The following TMEM9 variants were observed in gnomAD, a reference collection of about 807,000 sequenced individuals.
TMEM9 encodes the protein proton-transporting V-type ATPase complex assembly regulator TMEM9.
Under a neutral mutation model 22.8 loss-of-function variants are expected in TMEM9, and 13 were observed. That is an observed-to-expected ratio of 0.57 (90% CI 0.37 to 0.91). TMEM9 has a LOEUF of 0.91. TMEM9 is among the 40% of genes least tolerant of loss of function. The pLI, the probability that TMEM9 is intolerant of heterozygous loss-of-function variation, is 0.01. For synonymous variants in TMEM9, 88 were observed against 93.0 expected (o/e 0.95, Z 0.31); for missense variants, 182 against 238.1 (o/e 0.76, Z 1.55).
At chr1:201,141,141 C>T (rs923265018) in intron 4 of TMEM9, among the ~76,000 whole-genome samples, 2 of 152,170 alleles carry the variant, frequency 1.3e-5, no homozygotes, top group South Asian at 2.1e-4. Flanking sequence ...GGTAACTTTC[C>T]GACCCCTTGT....
At chr1:201,146,514 C>G (rs1054774251) in intron 3 of TMEM9, 1 of 636,598 alleles carries the variant, frequency 1.6e-6, no homozygotes, top group African/African-American at 1.8e-5. Flanking sequence ...CCAGGGCTCT[C>G]CCCTCTCACT....
intron 1 of TMEM9, among the ~76,000 whole-genome samples, chr1:201,161,251 T>G (rs1045454025): frequency 6.6e-6 from 1 of 152,178 alleles, no homozygotes; most frequent in South Asian, 2.1e-4. Flanking sequence ...CATCTAACCT[T>G]CCGAAAACCC....
At chr1:201,157,409 A>T (rs1665829190), upstream of TMEM9, among the ~76,000 whole-genome samples, 1 of 152,196 alleles carries the variant, frequency 6.6e-6, no homozygotes, top group Non-Finnish European at 1.5e-5. Context: ...CTATGAGTGC[A>T]GCTGCCAGCA....
chr1:201,136,854 G>A (rs1187693284), intron 4 of TMEM9, among the ~76,000 whole-genome samples: 2 of 151,994 alleles, frequency 1.3e-5, no homozygotes, highest in Admixed American at 1.3e-4. Flanking sequence ...ACTTCTCTAA[G>A]CCCAGAGCCG....
intron 2 of TMEM9, 25 bp from the exon 3 acceptor site, chr1:201,146,873 T>A: frequency 6.2e-7 from 1 of 1,609,918 alleles, no homozygotes; most frequent in Non-Finnish European, 8.5e-7. Context: ...GACAGGGCTG[T>A]CGAGGCAGGG....
Position 201,143,503 on chromosome 1 carries a change from CG to C in TMEM9, c.399+316del, listed in dbSNP as rs369702504. ...AGCTTGTCACCAATGTCTGAGCACA[CG>C]GGGGATATCATGTGTATCTATGTGT... On this transcript the variant is annotated intron_variant, in intron 4 of 4. Transcript: ENST00000367330. Among the ~76,000 whole-genome samples, 1,371 of 152,310 alleles carry C rather than the reference CG, an allele frequency of 9.0e-3. 21 individuals carry two copies. Among genetic ancestry groups the C allele is most frequent in the African/African-American group, 0.031 (1,298 of 41,564 alleles).
chr1:201,158,026 A>C (rs1232358804), upstream of TMEM9, among the ~76,000 whole-genome samples: 2 of 152,208 alleles, frequency 1.3e-5, no homozygotes, highest in African/African-American at 4.8e-5. Context: ...ATCTAATTAG[A>C]TGGCTCCTTA....
At chr1:201,160,229 G>T (rs1665906868) in intron 1 of TMEM9, among the ~76,000 whole-genome samples, 1 of 152,218 alleles carries the variant, frequency 6.6e-6, no homozygotes, top group Non-Finnish European at 1.5e-5. Context: ...GTTTCCCCCT[G>T]AAAAGATTTG....
rs573041649 is a variant in TMEM9 at position 201,142,659 on chromosome 1, G to A, written c.399+1161C>T. On this transcript the variant is annotated intron_variant, in intron 4 of 4. Coordinates refer to ENST00000367330, the MANE Select transcript of TMEM9 (RefSeq NM_001288565.2). ...CTAGATATTCCTTATGCATACGCAT[G>A]AGTTCACTCAGGGCATCCCTCCATC... Among the ~76,000 whole-genome samples, 4 of 152,378 alleles carry A rather than the reference G, an allele frequency of 2.6e-5. No homozygotes were observed. The East Asian group carries it at 7.7e-4, about 29-fold the overall frequency.
chr1:201,147,819 G>C (rs887351591), intron 2 of TMEM9, among the ~76,000 whole-genome samples: 21 of 152,094 alleles, frequency 1.4e-4, no homozygotes, highest in African/African-American at 4.8e-4. Flanking sequence ...CCAGCCACAC[G>C]GATCTGCCAG....
At chr1:201,139,334 A>T (rs1225226425) in intron 4 of TMEM9, among the ~76,000 whole-genome samples, 3 of 152,220 alleles carry the variant, frequency 2.0e-5, no homozygotes, top group Non-Finnish European at 4.4e-5. Context: ...CTTCAGCAAG[A>T]GGACTATACA....
intron 1 of TMEM9, 130 bp downstream of exon 1, chr1:201,153,728 A>C: frequency 1.9e-6 from 3 of 1,553,304 alleles, no homozygotes; most frequent in Admixed American, 2.0e-5. Flanking sequence ...AAGACCACTA[A>C]AAGAAGTATG....
Position 201,153,799 on chromosome 1 carries a change from T to G in TMEM9, c.66+59A>C, listed in dbSNP as rs767465114. The G allele has an allele frequency of 1.9e-6, 3 of 1,608,864 alleles. No individual in the cohort carries two copies. The African/African-American group carries it at 4.0e-5, about 22-fold the overall frequency. On this transcript the variant is annotated intron_variant, in intron 1 of 4. Transcript: ENST00000367330. ...GCTGGCTACCTCTGAGTCAGCCCTG[T>G]AGACAGGGTGGCCGTGCACTGTGGT... is the stretch of plus-strand genomic sequence containing the variant.
At chr1:201,147,521 T>C (rs1324775564) in intron 2 of TMEM9, among the ~76,000 whole-genome samples, 6 of 152,246 alleles carry the variant, frequency 3.9e-5, no homozygotes. Context: ...CTCCCACTGC[T>C]GTGTCTTAGC....
intron 4 of TMEM9, among the ~76,000 whole-genome samples, chr1:201,138,263 T>C (rs949118326): frequency 6.6e-6 from 1 of 152,220 alleles, no homozygotes; most frequent in Non-Finnish European, 1.5e-5. Context: ...GGGAACATGC[T>C]GAAATTCACC....
Position 201,153,205 on chromosome 1 carries a change from A to AT in TMEM9, c.66+652dup, listed in dbSNP as rs574644230. 2.2e-4 allele frequency among the ~76,000 whole-genome samples: 33 copies of AT among 152,272 alleles called. No homozygotes were observed. The South Asian group carries it at 5.4e-3, about 25-fold the overall frequency. ...TTTCACTGTGTTAATAGTACATCAT[A>AT]TTTTTTTACCGTTAAGAACTTATGT... On this transcript the variant is annotated intron_variant, in intron 1 of 4. Transcript: ENST00000367330.
In TMEM9 at chr1:201,135,408, C is replaced by A; in HGVS notation, c.*255G>T. On this transcript the variant is annotated 3_prime_UTR_variant, in exon 5 of 5. Transcript: ENST00000367330. The stretch of plus-strand genomic sequence containing the variant: ...GAGGCCGCCTCGAATGTCTCCATTC[C>A]CTTCTGGCCTGCCTTCCCCCTCCCT... The A allele has an allele frequency of 2.8e-6, 1 of 357,226 alleles. No individual in the cohort carries two copies. 22.1% of individuals were successfully genotyped at this position (357,226 alleles called of 1,614,324 possible). A position where few individuals can be genotyped will look rare whatever the true frequency, so the allele number is the denominator to read the frequency against.
At chr1:201,152,879 T>A (rs542259502) in intron 1 of TMEM9, among the ~76,000 whole-genome samples, 1 of 152,340 alleles carries the variant, frequency 6.6e-6, no homozygotes, top group African/African-American at 2.4e-5. Context: ...AGAAATCGTG[T>A]CAGTCTATAA....
intron 1 of TMEM9, among the ~76,000 whole-genome samples, chr1:201,167,144 C>A (rs764542375): frequency 6.6e-6 from 1 of 152,146 alleles, no homozygotes; most frequent in African/African-American, 2.4e-5. Context: ...TTACTATAAC[C>A]GCCTGATGGG....
Sources: gnomAD v4.1 joint callset for allele counts (sites outside exome capture counted in the v4.1 genomes callset) on GRCh38, gnomAD v4.1.1 for gene constraint, MANE v1.5 for transcripts, NCBI Gene and HGNC (gene_info 2026-07-23, HGNC 2026-07-21) for gene names.